SND1: variants seen among roughly 807,000 people sequenced by gnomAD.
The protein encoded by SND1 is staphylococcal nuclease domain-containing protein 1.
A neutral mutation model predicts 121.7 loss-of-function variants in SND1; 38 were observed. The observed-to-expected ratio is 0.31, with a 90% CI of 0.24 to 0.41. The LOEUF (loss-of-function observed/expected upper bound fraction) is 0.41. Ranked by LOEUF, SND1 falls within the 10% of genes least tolerant of loss-of-function variation. The pLI is 1.00. For synonymous variants in SND1, 401 were observed against 447.4 expected, an observed-to-expected ratio of 0.90 and a Z score of 1.31; for missense variants, 868 against 1,184.6, an observed-to-expected ratio of 0.73 and a Z score of 3.92.
chr7:127,977,413 A>G (rs1402655798), intron 15 of SND1, among the ~76,000 whole-genome samples: 2 of 152,140 alleles, frequency 1.3e-5, no homozygotes, highest in Admixed American at 1.3e-4. Flanking sequence ...TGGGTAATGC[A>G]TGTTTTATAT....
Position 128,082,839 on chromosome 7 carries a change from C to A in SND1, c.2110+1338C>A, listed in dbSNP as rs575210530. On this transcript the variant is annotated intron_variant, in intron 18 of 23. Transcript: ENST00000354725. ...TCACTCCCAGGCAGGCTCTACTCAG[C>A]CTCTGGGTCCTGCTGGGGAGGACCC... is the stretch of plus-strand genomic sequence containing the variant. Among the ~76,000 whole-genome samples, 7 of 152,328 alleles carry A rather than the reference C, an allele frequency of 4.6e-5. No individual in the cohort carries two copies. The East Asian group carries it at 1.4e-3, about 29-fold the overall frequency.
intron 16 of SND1, chr7:128,028,464 T>G: frequency 2.2e-6 from 1 of 460,704 alleles, no homozygotes; most frequent in Admixed American, 4.0e-5. Flanking sequence ...GTTCCCAAGA[T>G]TCCCCCCCAC....
intron 20 of SND1, 78 bp from the exon 21 acceptor site, chr7:128,086,858 CCT>C: frequency 8.5e-7 from 1 of 1,172,186 alleles, no homozygotes. Flanking sequence ...TTCCCAGAGG[CCT>C]GGCCACAGAG....
intron 12 of SND1, among the ~76,000 whole-genome samples, chr7:127,862,557 ACT>A (rs1258904361): frequency 3.3e-5 from 5 of 152,130 alleles, no homozygotes; most frequent in East Asian, 3.8e-4. Flanking sequence ...TACAGACATC[ACT>A]CTCAGCATTG....
rs761000232 is a variant in SND1, at chr7:127,767,486, A to G, written c.1153-39998A>G. Among the ~76,000 whole-genome samples, 5 of 152,244 alleles carry G rather than the reference A, an allele frequency of 3.3e-5. 1 individual carries two copies. Among genetic ancestry groups the G allele is most frequent in the South Asian group, 4.1e-4 (2 of 4,830 alleles). On this transcript the variant is annotated intron_variant, in intron 10 of 23. Transcript: ENST00000354725. ...TCTTTGAAATGGTAGACTTCCAATT[A>G]AAAGGCTCCAGCAGGGAGTCTGTTT...
chr7:127,692,040 A>G (rs901955997), intron 2 of SND1, among the ~76,000 whole-genome samples: 4 of 152,168 alleles, frequency 2.6e-5, no homozygotes, highest in African/African-American at 9.7e-5. Flanking sequence ...GAAAGACGGC[A>G]GAGCAGGATT....
chr7:128,013,938 C>T (rs1413750275), intron 16 of SND1, among the ~76,000 whole-genome samples: 1 of 152,184 alleles, frequency 6.6e-6, no homozygotes, highest in East Asian at 1.9e-4. Flanking sequence ...TACTACTTGC[C>T]TTTGGAATAA....
At chr7:127,897,614 G>A (rs1438140519) in intron 13 of SND1, among the ~76,000 whole-genome samples, 1 of 152,240 alleles carries the variant, frequency 6.6e-6, no homozygotes, top group South Asian at 2.1e-4. Flanking sequence ...TTGGTAAAGG[G>A]AGATGGAAAG....
chr7:127,950,674 T>C (rs926775939), intron 15 of SND1, among the ~76,000 whole-genome samples: 4 of 152,166 alleles, frequency 2.6e-5, no homozygotes, highest in Admixed American at 1.3e-4. Context: ...CCTTGTTTGG[T>C]AAGAGGTGCA....
At chr7:128,023,562 A>G (rs1351084615) in intron 16 of SND1, among the ~76,000 whole-genome samples, 1 of 152,244 alleles carries the variant, frequency 6.6e-6, no homozygotes, top group Non-Finnish European at 1.5e-5. Context: ...TGGGACAGCT[A>G]TAGTGCTGGT....
chr7:128,006,293 TGGAA>T (rs1381078821), intron 16 of SND1, among the ~76,000 whole-genome samples: 1 of 151,986 alleles, frequency 6.6e-6, no homozygotes, highest in Non-Finnish European at 1.5e-5. Flanking sequence ...GACTTTCACT[TGGAA>T]AAGGTAATGG....
chr7:127,901,949 T>A (rs1039211367), intron 13 of SND1, among the ~76,000 whole-genome samples: 1 of 152,206 alleles, frequency 6.6e-6, no homozygotes, highest in Admixed American at 6.5e-5. Context: ...TTGCTGTTAT[T>A]GTTTTAAATG....
intron 9 of SND1, among the ~76,000 whole-genome samples, chr7:127,719,241 G>T (rs2116382202): frequency 6.6e-6 from 1 of 152,182 alleles, no homozygotes; most frequent in African/African-American, 2.4e-5. Context: ...TTGGTCAATT[G>T]TCCAACCCAC....
intron 16 of SND1, among the ~76,000 whole-genome samples, chr7:128,003,866 T>C (rs551954129): frequency 6.6e-6 from 1 of 151,952 alleles, no homozygotes; most frequent in Non-Finnish European, 1.5e-5. Context: ...ACCTCTGGAG[T>C]GAGGGGCTGG....
chr7:127,783,839 G>T (rs1797766700), intron 10 of SND1, among the ~76,000 whole-genome samples: 1 of 152,184 alleles, frequency 6.6e-6, no homozygotes, highest in South Asian at 2.1e-4. Flanking sequence ...GTATGAAATA[G>T]TATGGTTTAG....
chr7:127,751,015 T>G (rs1008396038), intron 10 of SND1, among the ~76,000 whole-genome samples: 1 of 152,178 alleles, frequency 6.6e-6, no homozygotes, highest in Non-Finnish European at 1.5e-5. Context: ...GGTGGTAGAA[T>G]TTTTTTGGTT....
At chr7:128,041,663 AGTTG>A (rs1423093962) in intron 16 of SND1, among the ~76,000 whole-genome samples, 1 of 152,206 alleles carries the variant, frequency 6.6e-6, no homozygotes, top group Non-Finnish European at 1.5e-5. Flanking sequence ...TTGGTTGGCT[AGTTG>A]GTCTATTCAT....
At position 128,085,871 on chromosome 7, in the gene SND1, C is replaced by T; in HGVS notation, c.2304+91C>T. 1 of 1,115,478 alleles carries T rather than the reference C, an allele frequency of 9.0e-7. No individual in the cohort carries two copies. The highest frequency in any genetic ancestry group is 1.3e-5 in the South Asian group (1 of 77,276). The allele number at this position is 1,115,478 out of a possible 1,614,324, so 69.1% of individuals were successfully genotyped here. ...CTGATCTCTCCAAGGTCCCTCTGAG[C>T]TTACCAATAGAACAATGAGCATTGG... On this transcript the variant is annotated intron_variant, in intron 20 of 23. Transcript: ENST00000354725. The surrounding 1 kb of genome is among the most constrained non-coding windows in gnomAD (Gnocchi z 4.4).
chr7:127,844,756 G>A (rs1799027180), intron 12 of SND1, among the ~76,000 whole-genome samples: 1 of 152,142 alleles, frequency 6.6e-6, no homozygotes, highest in Non-Finnish European at 1.5e-5. Context: ...CTGCATATTG[G>A]TTTAGGAAGT....
Sources: allele counts gnomAD v4.1 joint callset (sites outside exome capture counted in the v4.1 genomes callset), GRCh38; gene constraint gnomAD v4.1.1; non-coding constraint Gnocchi (gnomAD v3.1); transcripts MANE v1.5; gene names NCBI Gene and HGNC (gene_info 2026-07-23, HGNC 2026-07-21).